The following PEAK1 variants were observed in gnomAD, a reference collection of about 807,000 sequenced individuals.
PEAK1 encodes the protein pseudopodium enriched atypical kinase 1.
In PEAK1, 54 loss-of-function variants were observed where a neutral mutation model predicts 124.7. The ratio of observed to expected loss-of-function variants is 0.43; its 90% confidence interval spans 0.35 to 0.54. The LOEUF (loss-of-function observed/expected upper bound fraction) is 0.54. Ranked by LOEUF, PEAK1 falls within the 20% of genes least tolerant of loss-of-function variation. The pLI is 0.01. For synonymous variants in PEAK1, 719 were observed against 760.0 expected, an observed-to-expected ratio of 0.95 and a Z score of 0.89; for missense variants, 2,046 against 2,134.5, an observed-to-expected ratio of 0.96 and a Z score of 0.82.
At chr15:77,349,160 C>A (rs908247451) in intron 2 of PEAK1, 33 of 440,928 alleles carry the variant, frequency 7.5e-5, no homozygotes, top group Non-Finnish European at 9.6e-5. Flanking sequence ...CTGCCTCAGC[C>A]TCCCGAGTAG....
chr15:77,223,180 A>G (rs2059465575), intron 6 of PEAK1, among the ~76,000 whole-genome samples: 1 of 151,984 alleles, frequency 6.6e-6, no homozygotes, highest in East Asian at 1.9e-4. Context: ...ATTCTAATGC[A>G]TTTCCCTCAT....
At chr15:77,260,902 C>T (rs559337739) in intron 5 of PEAK1, among the ~76,000 whole-genome samples, 43 of 152,282 alleles carry the variant, frequency 2.8e-4, no homozygotes, top group African/African-American at 1.0e-3. Flanking sequence ...CTCACATGGC[C>T]GGGTACTCCT....
chr15:77,253,487 G>A (rs2152927650), intron 5 of PEAK1, among the ~76,000 whole-genome samples: 1 of 152,276 alleles, frequency 6.6e-6, no homozygotes, highest in African/African-American at 2.4e-5. Flanking sequence ...ATTTCTTCCT[G>A]TAGAACTGAG....
chr15:77,335,600 T>TC, intron 2 of PEAK1: 1 of 697,014 alleles, frequency 1.4e-6, no homozygotes, highest in Non-Finnish European at 1.8e-6. Flanking sequence ...TGACACAGCC[T>TC]CCTGAGTATC....
At chr15:77,418,234 C>T (rs2073050095) in intron 1 of PEAK1, 1 of 985,222 alleles carries the variant, frequency 1.0e-6, no homozygotes, top group East Asian at 1.1e-4. Flanking sequence ...TCTTCCAACC[C>T]TAGAACACAG....
chr15:77,365,740 A>AT (rs1223728087), intron 1 of PEAK1, among the ~76,000 whole-genome samples: 37 of 116,600 alleles, frequency 3.2e-4, no homozygotes, highest in Non-Finnish European at 6.0e-4. Context: ...ACTCCATCTC[A>AT]TAAAAAAAAA....
intron 1 of PEAK1, among the ~76,000 whole-genome samples, chr15:77,390,984 T>C (rs1169638493): frequency 2.6e-5 from 4 of 152,128 alleles, no homozygotes; most frequent in African/African-American, 9.7e-5. Flanking sequence ...TTCAAAGGGC[T>C]CCCTAGGACT....
intron 9 of PEAK1, among the ~76,000 whole-genome samples, chr15:77,131,706 T>C (rs886575864): frequency 2.0e-5 from 3 of 152,210 alleles, no homozygotes; most frequent in Non-Finnish European, 4.4e-5. Context: ...TATCCTCCTC[T>C]ATAAAAATGT....
At chr15:77,233,155 A>T (rs1172662047) in intron 6 of PEAK1, among the ~76,000 whole-genome samples, 1 of 152,080 alleles carries the variant, frequency 6.6e-6, no homozygotes, top group African/African-American at 2.4e-5. Flanking sequence ...TTTCCCTTGT[A>T]CTCCGGTTTC....
intron 6 of PEAK1, among the ~76,000 whole-genome samples, chr15:77,209,660 T>C (rs2058816198): frequency 6.6e-6 from 1 of 152,198 alleles, no homozygotes; most frequent in Admixed American, 6.5e-5. Flanking sequence ...TAATAACTGG[T>C]CTTCCTTTCT....
intron 1 of PEAK1, chr15:77,370,753 C>T (rs2068579139): frequency 1.0e-5 from 10 of 984,810 alleles, no homozygotes; most frequent in Middle Eastern, 5.2e-4. Context: ...CACATCGAGC[C>T]AGGCACGGTG....
intron 9 of PEAK1, among the ~76,000 whole-genome samples, chr15:77,119,147 G>A (rs75383948): frequency 0.027 from 3,295 of 121,968 alleles, 117 homozygotes; most frequent in African/African-American, 0.083. Context: ...CATGCCAAGG[G>A]AACTCCTCGT....
At chr15:77,411,954 C>T (rs1183792559) in intron 1 of PEAK1, among the ~76,000 whole-genome samples, 1 of 152,128 alleles carries the variant, frequency 6.6e-6, no homozygotes, top group Non-Finnish European at 1.5e-5. Flanking sequence ...CCTTCTACTG[C>T]TATTCTCTTT....
intron 6 of PEAK1, among the ~76,000 whole-genome samples, chr15:77,194,903 A>G (rs567091122): frequency 6.6e-6 from 1 of 152,320 alleles, no homozygotes; most frequent in Non-Finnish European, 1.5e-5. Flanking sequence ...GGGCATCACT[A>G]TATTTTAGAA....
intron 2 of PEAK1, chr15:77,335,797 C>A: frequency 1.0e-6 from 1 of 985,360 alleles, no homozygotes; most frequent in Non-Finnish European, 1.2e-6. Flanking sequence ...AGCCCTCTCA[C>A]TACTTTTAAT....
At chr15:77,251,061 C>T (rs1487260437) in intron 6 of PEAK1, among the ~76,000 whole-genome samples, 5 of 152,162 alleles carry the variant, frequency 3.3e-5, no homozygotes, top group South Asian at 2.1e-4. Context: ...AAACTAGTTT[C>T]GGTCCATCAT....
intron 1 of PEAK1, among the ~76,000 whole-genome samples, chr15:77,388,136 G>A (rs1028952245): frequency 6.6e-6 from 1 of 152,136 alleles, no homozygotes; most frequent in African/African-American, 2.4e-5. Context: ...AAAAGCTGCA[G>A]TAAGTCATGA....
chr15:77,245,401 T>A (rs1412953393), intron 6 of PEAK1, among the ~76,000 whole-genome samples: 1 of 151,960 alleles, frequency 6.6e-6, no homozygotes, highest in Non-Finnish European at 1.5e-5. Flanking sequence ...CTTGTACCAT[T>A]TCTTGAAAAA....
chr15:77,280,228 C>T (rs1597085235), intron 5 of PEAK1, among the ~76,000 whole-genome samples: 1 of 152,042 alleles, frequency 6.6e-6, no homozygotes, highest in East Asian at 1.9e-4. Context: ...ATAATCCCAG[C>T]TACTTAGGAG....
Sources: gnomAD v4.1 joint callset for allele counts (sites outside exome capture counted in the v4.1 genomes callset) on GRCh38, gnomAD v4.1.1 for gene constraint, MANE v1.5 for transcripts, NCBI Gene and HGNC (gene_info 2026-07-23, HGNC 2026-07-21) for gene names.